The following TNFRSF1B variants were observed in gnomAD, a reference collection of about 807,000 sequenced individuals.
TNFRSF1B encodes the protein TNF receptor superfamily member 1B, also known as tumor necrosis factor receptor superfamily member 1B.
A neutral mutation model predicts 44.6 loss-of-function variants in TNFRSF1B; 19 were observed. The ratio of observed to expected loss-of-function variants is 0.43; its 90% CI spans 0.30 to 0.62. The LOEUF is 0.62. Among genes scored for constraint, TNFRSF1B ranks in the 20% least tolerant of loss-of-function variants. The probability of loss-of-function intolerance (pLI) is 0.16; values close to 1 mark genes in which losing one functional copy is unlikely to be tolerated. For missense variants in TNFRSF1B, 541 were observed against 619.9 expected (o/e 0.87, Z 1.35); for synonymous variants, 252 against 261.1 (o/e 0.97, Z 0.34).
intron 9 of TNFRSF1B, among the ~76,000 whole-genome samples, chr1:12,205,452 C>T (rs1409065862): frequency 1.3e-5 from 2 of 152,032 alleles, no homozygotes; most frequent in South Asian, 4.2e-4. Flanking sequence ...AAGTGATCTG[C>T]CAGGTTCAAG....
chr1:12,176,072 AGCCAG>A (rs1294232066), intron 1 of TNFRSF1B, among the ~76,000 whole-genome samples: 2 of 149,132 alleles, frequency 1.3e-5, no homozygotes, highest in Non-Finnish European at 1.5e-5. Flanking sequence ...AAAAAAAATT[AGCCAG>A]GCGTGGTGGT....
chr1:12,198,657 G>A (rs2101119148), intron 8 of TNFRSF1B, among the ~76,000 whole-genome samples: 2 of 150,958 alleles, frequency 1.3e-5, no homozygotes, highest in Middle Eastern at 6.9e-3. Flanking sequence ...GGGAGCTGAG[G>A]GTGCTGGCTG....
chr1:12,188,850 T>C lies in TNFRSF1B; in HGVS notation c.133T>C (p.Tyr45His). ...CGGGAGCACATGCCGGCTCAGAGAA[T>C]ACTATGACCAGACAGCTCAGATGTG... ...EPGSTCRLRE[Y>H]YDQTAQMCCS... Residue 45 changes from tyrosine to histidine, a missense_variant, in exon 2 of 10, where the codon TAC becomes CAC. Coordinates refer to ENST00000376259, the MANE Select transcript of TNFRSF1B (RefSeq NM_001066.3). 1 of 1,613,808 alleles carries C rather than the reference T, an allele frequency of 6.2e-7. No individual in the cohort carries two copies. The highest frequency in any genetic ancestry group is 1.7e-5 in the Admixed American group (1 of 59,988).
intron 1 of TNFRSF1B, among the ~76,000 whole-genome samples, chr1:12,183,711 T>TCTAGCTATCTAGCTA (rs1553163383): frequency 1.1e-5 from 1 of 93,224 alleles, no homozygotes; most frequent in African/African-American, 3.8e-5. Context: ...TATCTATCTA[T>TCTAGCTATCTAGCTA]TCTATCTACC....
chr1:12,198,793 C>G lies in TNFRSF1B; in HGVS notation c.901-3174C>G, dbSNP rs150945586. On this transcript the variant is annotated intron_variant, in intron 8 of 9. Transcript: ENST00000376259. Reference sequence around the variant, plus strand: ...GCAAGCTCCGCCTCCCGGGTTCACACCATTCTCCTGCCTCAGCCTCCCAAG... The same window carrying G: ...GCAAGCTCCGCCTCCCGGGTTCACAGCATTCTCCTGCCTCAGCCTCCCAAG... Among the ~76,000 whole-genome samples the G allele has an allele frequency of 3.3e-3, 504 of 151,668 alleles. 5 individuals carry two copies. Among genetic ancestry groups the G allele is most frequent in the South Asian group, 5.4e-3 (26 of 4,800 alleles).
At chr1:12,204,404 G>A (rs17886580) in intron 9 of TNFRSF1B, among the ~76,000 whole-genome samples, 6,810 of 152,180 alleles carry the variant, frequency 0.045, 200 homozygotes, top group Middle Eastern at 0.058. Flanking sequence ...CCACATGCTT[G>A]GGGCTGTTTT....
chr1:12,194,838 G>A (rs940228457), intron 8 of TNFRSF1B, among the ~76,000 whole-genome samples: 5 of 152,232 alleles, frequency 3.3e-5, no homozygotes, highest in East Asian at 1.9e-4. Context: ...AGATGCCTTC[G>A]TGGCGTTCGT....
At position 12,208,507 on chromosome 1, in the gene TNFRSF1B, C is replaced by G. The variant is rs537620577; in HGVS notation, c.*1487C>G. 2 of 152,632 alleles carry G rather than the reference C, an allele frequency of 1.3e-5. No homozygotes were observed. The highest frequency in any genetic ancestry group is 3.8e-4 in the East Asian group (2 of 5,196). The allele number at this position is 152,632 out of a possible 1,614,324, so 9.5% of individuals were successfully genotyped here. A position where few individuals can be genotyped will look rare whatever the true frequency, so the allele number is the denominator to read the frequency against. ...CCTTGAAGCCACTGAAGCTGGGATT[C>G]CTCCCCATTAGAGTCAGCCTTCCCC... On this transcript the variant is annotated 3_prime_UTR_variant, in exon 10 of 10. Transcript: ENST00000376259.
chr1:12,207,011 G>A lies in TNFRSF1B; in HGVS notation c.1377G>A (p.Lys459=). 1.3e-6 allele frequency: 2 copies of A among 1,586,016 alleles called. No individual in the cohort carries two copies. Among genetic ancestry groups the A allele is most frequent in the Non-Finnish European group, 1.7e-6 (2 of 1,160,522 alleles). Residue 459 remains lysine, a synonymous_variant, in exon 10 of 10, where the codon AAG becomes AAA. Coordinates refer to ENST00000376259, the MANE Select transcript of TNFRSF1B (RefSeq NM_001066.3). ...LPLGVPDAGM[K]PS ...TTGGAGTGCCTGATGCTGGGATGAA[G>A]CCCAGTTAACCAGGCCGGTGTGGGC...
chr1:12,195,691 G>C lies in TNFRSF1B; in HGVS notation c.900+1073G>C, dbSNP rs5746040. 8.8e-3 allele frequency among the ~76,000 whole-genome samples: 1,345 copies of C among 152,316 alleles called. 61 individuals are homozygous for C. In the East Asian group the frequency reaches 0.14, roughly 16 times the overall value. ...GTGTTTTGCTTTTCCAGCCTCTATG[G>C]AGGAGGAGGACAAGGGAGGGGGGTT... On this transcript the variant is annotated intron_variant, in intron 8 of 9. Coordinates refer to ENST00000376259, the MANE Select transcript of TNFRSF1B (RefSeq NM_001066.3).
At chr1:12,184,778 G>A (rs902200591) in intron 1 of TNFRSF1B, among the ~76,000 whole-genome samples, 1 of 152,214 alleles carries the variant, frequency 6.6e-6, no homozygotes, top group Non-Finnish European at 1.5e-5. Context: ...AGCCGCCCTG[G>A]CCCTGTGGTT....
chr1:12,202,482 C>T (rs1471941358), intron 9 of TNFRSF1B, among the ~76,000 whole-genome samples: 1 of 152,200 alleles, frequency 6.6e-6, no homozygotes, highest in Non-Finnish European at 1.5e-5. Flanking sequence ...TCCGGGCTCA[C>T]CATGCCCTGG....
At chr1:12,192,082 C>A (rs972636109) in intron 4 of TNFRSF1B, among the ~76,000 whole-genome samples, 159 bp downstream of exon 4, 2 of 152,216 alleles carry the variant, frequency 1.3e-5, no homozygotes, top group African/African-American at 4.8e-5. Flanking sequence ...ACCTGTCCAC[C>A]GTTCATTCTT....
At chr1:12,167,630 C>A in intron 1 of TNFRSF1B, 1 of 241,272 alleles carries the variant, frequency 4.1e-6, no homozygotes, top group Non-Finnish European at 8.5e-6. Flanking sequence ...AAAAGACTTC[C>A]TTTTCCTCTG....
intron 1 of TNFRSF1B, 22 bp downstream of exon 1, chr1:12,167,191 C>G (rs960296252): frequency 2.4e-6 from 3 of 1,253,028 alleles, no homozygotes; most frequent in African/African-American, 3.1e-5. Context: ...GCGCGGCCCA[C>G]GGGGGACAGC....
At chr1:12,206,603 A>G in intron 9 of TNFRSF1B, 137 bp from the exon 10 acceptor site, 1 of 920,796 alleles carries the variant, frequency 1.1e-6, no homozygotes, top group Non-Finnish European at 1.6e-6. Context: ...CACACAGCAG[A>G]GCTGGGCTAG....
At chr1:12,167,506 C>G in intron 1 of TNFRSF1B, 1 of 434,580 alleles carries the variant, frequency 2.3e-6, no homozygotes, top group Non-Finnish European at 4.3e-6. Context: ...CCGCTAGACC[C>G]GGGACCCCTC....
At chr1:12,183,509 A>G (rs1279131736) in intron 1 of TNFRSF1B, among the ~76,000 whole-genome samples, 1 of 150,384 alleles carries the variant, frequency 6.6e-6, no homozygotes, top group African/African-American at 2.5e-5. Context: ...GATATTTTCT[A>G]TCATCCATCT....
chr1:12,192,936 A>G lies in TNFRSF1B; in HGVS notation c.625A>G (p.Met209Val). 6.2e-7 allele frequency: 1 copy of G among 1,614,196 alleles called. No homozygotes were observed. Among genetic ancestry groups the G allele is most frequent in the East Asian group, 2.2e-5 (1 of 44,882 alleles). Residue 209 changes from methionine to valine, a missense_variant, in exon 6 of 10, where the codon ATG becomes GTG. Transcript: ENST00000376259. ...CACGTCCACGTCCCCCACCCGGAGT[A>G]TGGCCCCAGGGGCAGTACACTTACC... is the stretch of plus-strand genomic sequence containing the variant. ...VCTSTSPTRS[M>V]APGAVHLPQP...
Sources: gnomAD v4.1 joint callset for allele counts (sites outside exome capture counted in the v4.1 genomes callset) on GRCh38, gnomAD v4.1.1 for gene constraint, MANE v1.5 for transcripts, NCBI Gene and HGNC (gene_info 2026-07-23, HGNC 2026-07-21) for gene names.